Variants in HMCN1 observed in about 807,000 individuals in gnomAD.
HMCN1 encodes hemicentin-1.
Under a neutral mutation model 625.9 loss-of-function variants are expected in HMCN1, and 321 were observed. That is an observed-to-expected ratio of 0.51 (90% CI 0.47 to 0.56). HMCN1 has a LOEUF of 0.56. HMCN1 is among the 20% of genes least tolerant of loss of function. The pLI, the probability that HMCN1 is intolerant of heterozygous loss-of-function variation, is 0.00. For missense variants in HMCN1, 6,588 were observed against 6,887.3 expected, an observed-to-expected ratio of 0.96 and a Z score of 1.54; for synonymous variants, 2,425 against 2,417.6, an observed-to-expected ratio of 1.00 and a Z score of -0.09.
chr1:186,166,984 G>A (rs1651920991), intron 100 of HMCN1, 42 bp downstream of exon 100: 1 of 1,613,236 alleles, frequency 6.2e-7, no homozygotes, highest in Admixed American at 1.7e-5. Flanking sequence ...ATGACAGTAA[G>A]AATTAGACCC....
At position 186,053,985 on chromosome 1, in the gene HMCN1, C is replaced by T; in HGVS notation, c.6861C>T (p.Tyr2287=). The change falls in exon 44 of 107, where the codon TAC becomes TAT. Residue 2287 remains tyrosine (Y), a splice_region_variant and synonymous_variant. Coordinates refer to ENST00000271588, the MANE Select transcript of HMCN1 (RefSeq NM_031935.3). ...AGAAAGAATACAATCTGCAAGTTTA[C>T]AGTAAGTTGTTGATTAGCCAGGCTT... is the stretch of plus-strand genomic sequence containing the variant. The part of the protein sequence containing the change: ...TAKKEYNLQV[Y]IRPTITNSGS... 6.2e-7 allele frequency: 1 copy of T among 1,612,044 alleles called. No homozygotes were observed. The highest frequency in any genetic ancestry group is 8.5e-7 in the Non-Finnish European group (1 of 1,178,932).
Position 186,103,688 on chromosome 1 carries a change from G to C in HMCN1, c.10770+20G>C. 1 of 1,608,204 alleles carries C rather than the reference G, an allele frequency of 6.2e-7. No individual in the cohort carries two copies. Among genetic ancestry groups the C allele is most frequent in the East Asian group, 2.2e-5 (1 of 44,836 alleles). On this transcript the variant is annotated intron_variant, in intron 69 of 106. Transcript: ENST00000271588. ...GCTCAGGTAAGTGTCAAAGTTCATA[G>C]AATTATTTTAGGTTAGGTCAAACTT...
chr1:185,950,294 G>A (rs1668579602), intron 11 of HMCN1, among the ~76,000 whole-genome samples: 1 of 151,818 alleles, frequency 6.6e-6, no homozygotes, highest in Non-Finnish European at 1.5e-5. Flanking sequence ...AATAGATTTT[G>A]GAAGTTATGA....
intron 3 of HMCN1, among the ~76,000 whole-genome samples, chr1:185,865,364 A>G (rs953574058): frequency 6.6e-6 from 1 of 152,180 alleles, no homozygotes; most frequent in African/African-American, 2.4e-5. Context: ...TTCACAGATG[A>G]CAAAATAAGC....
intron 58 of HMCN1, 89 bp from the exon 59 acceptor site, chr1:186,087,128 G>A (rs759370192): frequency 7.1e-5 from 58 of 812,924 alleles, no homozygotes; most frequent in Non-Finnish European, 1.1e-4. Context: ...CTAAGGGGAA[G>A]GATATATGTT....
intron 53 of HMCN1, 94 bp downstream of exon 53, chr1:186,074,985 C>T: frequency 9.7e-7 from 1 of 1,030,956 alleles, no homozygotes; most frequent in Non-Finnish European, 1.5e-6. Context: ...GTGTTTTTTT[C>T]TGTTGACAAT....
intron 63 of HMCN1, among the ~76,000 whole-genome samples, chr1:186,090,013 A>T (rs1160111482): frequency 6.6e-6 from 1 of 151,948 alleles, no homozygotes; most frequent in Non-Finnish European, 1.5e-5. Flanking sequence ...ACAAGATTTC[A>T]ACCTACCAAA....
intron 18 of HMCN1, 143 bp downstream of exon 18, chr1:185,982,532 C>G: frequency 1.3e-6 from 1 of 757,210 alleles, no homozygotes; most frequent in Non-Finnish European, 2.2e-6. Flanking sequence ...CCTCTGCCTC[C>G]TGGGTTGAAG....
In HMCN1 at chr1:186,136,972, G is replaced by C. The variant is rs190656688; in HGVS notation, c.13582+35G>C. ...ATCAGAGGAATATTCATAGTAAACA[G>C]TACCTGGGGTGACTCAAATCATGGA... On this transcript the variant is annotated intron_variant, in intron 87 of 106. Coordinates refer to ENST00000271588, the MANE Select transcript of HMCN1 (RefSeq NM_031935.3). 1.1e-5 allele frequency: 18 copies of C among 1,607,082 alleles called. No individual in the cohort carries two copies. In the Admixed American group the frequency reaches 2.7e-4, roughly 24 times the overall value.
chr1:186,018,446 A>G, intron 34 of HMCN1, 94 bp downstream of exon 34: 1 of 1,252,448 alleles, frequency 8.0e-7, no homozygotes, highest in Non-Finnish European at 1.2e-6. Context: ...AATGTGAATA[A>G]ATCCTGAGTT....
chr1:185,933,492 G>A, intron 10 of HMCN1, 57 bp from the exon 11 acceptor site: 1 of 1,582,246 alleles, frequency 6.3e-7, no homozygotes, highest in South Asian at 1.1e-5. Context: ...AACCACATCT[G>A]TAAGTGAGCA....
intron 103 of HMCN1, among the ~76,000 whole-genome samples, chr1:186,175,442 A>G (rs990210804): frequency 7.9e-5 from 12 of 152,218 alleles, no homozygotes; most frequent in African/African-American, 2.9e-4. Context: ...TCTTTATGCA[A>G]TCCCTAGCAT....
chr1:185,852,359 AC>A (rs1662215238), intron 2 of HMCN1, among the ~76,000 whole-genome samples: 2 of 152,122 alleles, frequency 1.3e-5, no homozygotes, highest in African/African-American at 2.4e-5. Context: ...TTTTAAAAAA[AC>A]ATATATGGCT....
chr1:185,936,677 A>T (rs769377511), intron 11 of HMCN1, among the ~76,000 whole-genome samples: 1 of 152,242 alleles, frequency 6.6e-6, no homozygotes, highest in African/African-American at 2.4e-5. Context: ...CCTTGGATAT[A>T]TGTAACCTGG....
Position 186,008,522 on chromosome 1 carries a change from C to T in HMCN1, c.4630+1240C>T, listed in dbSNP as rs75219355. Among the ~76,000 whole-genome samples, 1,425 of 152,128 alleles carry T rather than the reference C, an allele frequency of 9.4e-3. 26 individuals are homozygous for T. The highest frequency in any genetic ancestry group is 0.033 in the African/African-American group (1,372 of 41,508). ...GTGGCTACCAGAAAACTTAAAATTA[C>T]ATATGTGAGTTTGCATTTGATTTCT... On this transcript the variant is annotated intron_variant, in intron 30 of 106. Transcript: ENST00000271588.
intron 36 of HMCN1, among the ~76,000 whole-genome samples, chr1:186,027,383 T>A (rs146044867): frequency 6.6e-6 from 1 of 152,196 alleles, no homozygotes; most frequent in East Asian, 1.9e-4. Flanking sequence ...AAATGATTAT[T>A]TGGAGTCTAA....
At chr1:186,130,751 C>A (rs1661890922) in intron 85 of HMCN1, 54 bp downstream of exon 85, 2 of 1,426,742 alleles carry the variant, frequency 1.4e-6, no homozygotes, top group South Asian at 2.3e-5. Context: ...GCCAATACCC[C>A]TCTGTGAGTG....
In HMCN1 at chr1:186,119,689, G is replaced by T. The variant is rs150685622; in HGVS notation, c.11957-56G>T. 5.3e-4 allele frequency: 820 copies of T among 1,558,488 alleles called. 5 individuals carry two copies. The African/African-American group carries it at 9.5e-3, about 18-fold the overall frequency. Reference sequence around the variant, plus strand: ...TATTTTTAAGCTCATTACTACAATAGACATGGTTTATTAACTAGTGCTATT... The same window carrying T: ...TATTTTTAAGCTCATTACTACAATATACATGGTTTATTAACTAGTGCTATT... On this transcript the variant is annotated intron_variant, in intron 78 of 106. Coordinates refer to ENST00000271588, the MANE Select transcript of HMCN1 (RefSeq NM_031935.3).
chr1:186,039,115 CT>C, intron 38 of HMCN1, 110 bp downstream of exon 38: 1 of 809,602 alleles, frequency 1.2e-6, no homozygotes, highest in Non-Finnish European at 2.2e-6. Context: ...TTATTGTCAT[CT>C]TTATGTAAGG....
Sources: allele counts gnomAD v4.1 joint callset (sites outside exome capture counted in the v4.1 genomes callset), GRCh38; gene constraint gnomAD v4.1.1; transcripts MANE v1.5; gene names NCBI Gene and HGNC (gene_info 2026-07-23, HGNC 2026-07-21).